ZNF624: variants seen among roughly 807,000 people sequenced by gnomAD.
ZNF624 encodes zinc finger protein 624.
Under a neutral mutation model 74.7 loss-of-function variants are expected in ZNF624, and 43 were observed. The observed-to-expected ratio is 0.58, with a 90% CI of 0.45 to 0.74. The LOEUF (loss-of-function observed/expected upper bound fraction) is 0.74, where lower values mean the gene tolerates loss of function less well. ZNF624 is among the 30% of genes least tolerant of loss of function. ZNF624 has a pLI of 0.00. For missense variants in ZNF624, 820 were observed against 1,030.0 expected (o/e 0.80, Z 2.79); for synonymous variants, 331 against 341.3 (o/e 0.97, Z 0.33).
In ZNF624 at chr17:16,623,965, A is replaced by T; in HGVS notation, c.921T>A (p.Asn307Lys). 1 of 1,613,994 alleles carries T rather than the reference A, an allele frequency of 6.2e-7. No homozygotes were observed. The highest frequency in any genetic ancestry group is 8.5e-7 in the Non-Finnish European group (1 of 1,180,020). Residue 307 changes from asparagine (N) to lysine (K), a missense_variant, in exon 6 of 6, where the codon AAT becomes AAA. By Grantham distance (94) the Asn-to-Lys change is moderately conservative. Coordinates refer to ENST00000311331, the MANE Select transcript of ZNF624 (RefSeq NM_020787.4). This position sits in a 1 kb window ranked among gnomAD's most constrained non-coding sequence, Gnocchi z 5.3. ...THTKEKPYEC[N>K]ECGKTFSQPS... Reference sequence around the variant, plus strand: ...GCTGGCTGAATGTTTTCCCACATTCATTACATTCATAAGGTTTTTCTTTAG... The same window carrying T: ...GCTGGCTGAATGTTTTCCCACATTCTTTACATTCATAAGGTTTTTCTTTAG...
chr17:16,625,635 CA>C (rs1909053503), intron 5 of ZNF624, among the ~76,000 whole-genome samples: 1 of 152,120 alleles, frequency 6.6e-6, no homozygotes, highest in African/African-American at 2.4e-5. Flanking sequence ...AACTGAACAA[CA>C]AACTAGTCAA....
At chr17:16,635,999 G>A (rs1178666349) in intron 3 of ZNF624, among the ~76,000 whole-genome samples, 1 of 151,922 alleles carries the variant, frequency 6.6e-6, no homozygotes, top group Non-Finnish European at 1.5e-5. Flanking sequence ...CCCCCTAAAA[G>A]GAACCAGGGC....
intron 1 of ZNF624, among the ~76,000 whole-genome samples, chr17:16,650,214 T>TAAAGATTCC (rs1909689587): frequency 2.0e-5 from 3 of 151,934 alleles, no homozygotes; most frequent in African/African-American, 7.3e-5. Context: ...TTAAATATTC[T>TAAAGATTCC]AAGAATCTCC....
In ZNF624 at chr17:16,649,687, C is replaced by T. The variant is rs201084252; in HGVS notation, c.58G>A (p.Ala20Thr). The T allele has an allele frequency of 1.1e-5, 18 of 1,614,010 alleles. No individual in the cohort carries two copies. In the African/African-American group the frequency reaches 2.1e-4, roughly 19 times the overall value. Residue 20 changes from alanine to threonine, a missense_variant, in exon 2 of 6, where the codon GCT (alanine) becomes ACT (threonine). Transcript: ENST00000311331. ...REGKPEGEIM[A>T]AVFFSVGRLS... ...CGTCCAACTGAGAAAAACACAGCAG[C>T]CATAATCTCTCCCTCTGGTTTCCCC...
At chr17:16,618,441 T>G (rs935753363), downstream of ZNF624, among the ~76,000 whole-genome samples, 1 of 152,130 alleles carries the variant, frequency 6.6e-6, no homozygotes, top group African/African-American at 2.4e-5. Flanking sequence ...CCAGAATTAA[T>G]CTATGTATCT....
In ZNF624 at chr17:16,640,554, A is replaced by T. The variant is rs979945190; in HGVS notation, c.154-5798T>A. The stretch of plus-strand genomic sequence containing the variant: ...AAAAGAGAGAAGACACAAATTACTA[A>T]AATCAGAATGAAAAAGAAGACATTC... On this transcript the variant is annotated intron_variant, in intron 3 of 5. Coordinates refer to ENST00000311331, the MANE Select transcript of ZNF624 (RefSeq NM_020787.4). 1.3e-5 allele frequency among the ~76,000 whole-genome samples: 2 copies of T among 152,176 alleles called. 1 individual carries two copies. The highest frequency in any genetic ancestry group is 2.9e-5 in the Non-Finnish European group (2 of 68,012).
At chr17:16,633,763 CA>C in intron 5 of ZNF624, 98 bp downstream of exon 5, 1 of 954,742 alleles carries the variant, frequency 1.0e-6, no homozygotes, top group Non-Finnish European at 1.6e-6. Context: ...CAGCGTTGAA[CA>C]AATATATCTT....
Position 16,634,719 on chromosome 17 carries a change from G to C in ZNF624, c.191C>G (p.Thr64Arg). The C allele has an allele frequency of 6.2e-7, 1 of 1,613,620 alleles. No individual in the cohort carries two copies. The highest frequency in any genetic ancestry group is 8.5e-7 in the Non-Finnish European group (1 of 1,179,628). The stretch of plus-strand genomic sequence containing the variant: ...GTCCATCAACCTCCACTCCTCCAAT[G>C]TGAAGTCTATAGCCACATCCTTAAA... ...VTFKDVAIDF[T>R]LEEWRLMDPT... is the part of the protein sequence containing the mutation. The change falls in exon 4 of 6, where the codon ACA becomes AGA. Residue 64 changes from threonine (T) to arginine (R), a missense_variant. Thr to Arg is a moderately conservative substitution (Grantham distance 71, BLOSUM62 -1). Transcript: ENST00000311331.
chr17:16,615,972 T>TATAC (rs1908784882), downstream of ZNF624, among the ~76,000 whole-genome samples: 1 of 78,402 alleles, frequency 1.3e-5, no homozygotes, highest in Non-Finnish European at 2.4e-5. Context: ...TATATATATA[T>TATAC]ATATATATAT....
In ZNF624 at chr17:16,634,752, G is replaced by A. The variant is rs1394148505; in HGVS notation, c.158C>T (p.Ser53Leu). 1.1e-5 allele frequency: 18 copies of A among 1,610,824 alleles called. No homozygotes were observed. Among genetic ancestry groups the A allele is most frequent in the South Asian group, 5.5e-5 (5 of 90,576 alleles). ...QAEETQLVKE[S>L]VTFKDVAIDF... ...TATAGCCACATCCTTAAATGTCACC[G>A]ATTCCTAAAACAATTACATTGTGAT... is the stretch of plus-strand genomic sequence containing the variant. The change falls in exon 4 of 6, where the codon TCG (serine) becomes TTG (leucine). Residue 53 changes from serine to leucine, a missense_variant. Coordinates refer to ENST00000311331, the MANE Select transcript of ZNF624 (RefSeq NM_020787.4).
intron 5 of ZNF624, among the ~76,000 whole-genome samples, chr17:16,630,518 T>C (rs1196737889): frequency 6.6e-6 from 1 of 152,002 alleles, no homozygotes; most frequent in Non-Finnish European, 1.5e-5. Context: ...GATCACGCCA[T>C]TGCACTCCAG....
At chr17:16,642,677 T>C (rs2142636423) in intron 3 of ZNF624, among the ~76,000 whole-genome samples, 1 of 152,256 alleles carries the variant, frequency 6.6e-6, no homozygotes, top group South Asian at 2.1e-4. Context: ...TAGGACTTCA[T>C]TAAAATTAAA....
chr17:16,623,793 A>T lies in ZNF624; in HGVS notation c.1093T>A (p.Cys365Ser). The change falls in exon 6 of 6, where the codon TGT (cysteine) becomes AGT (serine). Residue 365 changes from cysteine (C) to serine (S), a missense_variant. Transcript: ENST00000311331. The surrounding 1 kb of genome is among the most constrained non-coding windows in gnomAD (Gnocchi z 5.3). ...GCACACTGGCTAAAAGATTTCCCAC[A>T]CACATTACACTGATAAGGTTTCTCT... is the stretch of plus-strand genomic sequence containing the variant. ...TKEKPYQCNV[C>S]GKSFSQCARL... is the part of the protein sequence containing the mutation. 1 of 1,614,072 alleles carries T rather than the reference A, an allele frequency of 6.2e-7. No homozygotes were observed. The highest frequency in any genetic ancestry group is 8.5e-7 in the Non-Finnish European group (1 of 1,180,004).
At position 16,623,672 on chromosome 17, in the gene ZNF624, C is replaced by A; in HGVS notation, c.1214G>T (p.Arg405Ile). ...CTCACCATTGTGAGTTTCCTGATGT[C>A]TTGCAAGTTTTGATTTATCACTAAA... ...KAFSDKSKLA[R>I]HQETHNGEKP... The change falls in exon 6 of 6, where the codon AGA becomes ATA. Residue 405 changes from arginine (R) to isoleucine (I), a missense_variant. Physicochemically the swap from Arg to Ile is moderately conservative, Grantham distance 97. Transcript: ENST00000311331. The surrounding 1 kb of genome is among the most constrained non-coding windows in gnomAD (Gnocchi z 5.3). 1 of 1,608,918 alleles carries A rather than the reference C, an allele frequency of 6.2e-7. No homozygotes were observed. The highest frequency in any genetic ancestry group is 8.5e-7 in the Non-Finnish European group (1 of 1,178,452).
chr17:16,634,906 A>C, intron 3 of ZNF624, 150 bp from the exon 4 acceptor site: 1 of 623,652 alleles, frequency 1.6e-6, no homozygotes, highest in Non-Finnish European at 2.6e-6. Context: ...GGATGTATAA[A>C]TCTCTCCAGT....
intron 5 of ZNF624, among the ~76,000 whole-genome samples, chr17:16,632,885 C>T (rs1217636812): frequency 6.6e-6 from 1 of 152,162 alleles, no homozygotes; most frequent in Non-Finnish European, 1.5e-5. Context: ...TACCAGTTTC[C>T]CCTCACTTTA....
chr17:16,633,466 A>G (rs1318925488), intron 5 of ZNF624, among the ~76,000 whole-genome samples: 3 of 152,190 alleles, frequency 2.0e-5, no homozygotes, highest in Non-Finnish European at 4.4e-5. Context: ...GCCTTAAGAG[A>G]AATCAGTGGG....
intron 3 of ZNF624, among the ~76,000 whole-genome samples, chr17:16,644,089 T>C (rs1569047698): frequency 1.3e-5 from 2 of 152,184 alleles, no homozygotes; most frequent in Admixed American, 6.5e-5. Context: ...GTAGTCTCTA[T>C]ACACACTGTC....
At chr17:16,636,451 A>C (rs993355918) in intron 3 of ZNF624, among the ~76,000 whole-genome samples, 2 of 152,226 alleles carry the variant, frequency 1.3e-5, no homozygotes, top group Admixed American at 1.3e-4. Flanking sequence ...GCAGCTGCTA[A>C]CATAAAAGAA....
Sources: gnomAD v4.1 joint callset for allele counts (sites outside exome capture counted in the v4.1 genomes callset) on GRCh38, gnomAD v4.1.1 for gene constraint, Gnocchi (gnomAD v3.1) non-coding constraint, MANE v1.5 for transcripts, NCBI Gene and HGNC (gene_info 2026-07-23, HGNC 2026-07-21) for gene names.